Variants in ENPP3 observed in about 807,000 individuals in gnomAD.
ENPP3 encodes the protein ectonucleotide pyrophosphatase/phosphodiesterase 3, also known as ectonucleotide pyrophosphatase/phosphodiesterase family member 3.
ENPP3 carries 104 observed loss-of-function variants against 117.8 expected under a neutral mutation model. The ratio of observed to expected loss-of-function variants is 0.88; its 90% CI spans 0.75 to 1.04. The LOEUF (loss-of-function observed/expected upper bound fraction) is 1.04. Ranked by LOEUF, ENPP3 falls within the 50% of genes least tolerant of loss-of-function variation. ENPP3 has a pLI of 0.00. For missense variants in ENPP3, 1,026 were observed against 1,051.9 expected, an observed-to-expected ratio of 0.98 and a Z score of 0.34; for synonymous variants, 380 against 349.9, an observed-to-expected ratio of 1.09 and a Z score of -0.96.
At chr6:131,642,060 G>T (rs1252659919) in intron 2 of ENPP3, among the ~76,000 whole-genome samples, 2 of 151,844 alleles carry the variant, frequency 1.3e-5, no homozygotes, top group Non-Finnish European at 2.9e-5. Flanking sequence ...TTCCCAAAGT[G>T]CTGGGATTAC....
Position 131,678,999 on chromosome 6 carries a change from TTGCTTCCTTCCTTCCTTCCTTCCTTCC to T in ENPP3, c.1011+1061_1011+1087del, listed in dbSNP as rs1778948658. On this transcript the variant is annotated intron_variant, in intron 11 of 24. Transcript: ENST00000357639. ...CTTCCTTCCTTCCTTCCTTCCTTCC[TTGCTTCCTTCCTTCCTTCCTTCCTTCC>T]TTCTTTCTTTCTTTCTTTCTTTCTT... 7.0e-4 allele frequency among the ~76,000 whole-genome samples: 53 copies of T among 75,326 alleles called. 2 individuals carry two copies. Among genetic ancestry groups the T allele is most frequent in the African/African-American group, 3.7e-3 (50 of 13,470 alleles). The allele number at this position is 75,326 out of a possible 152,430, so 49.4% of individuals were successfully genotyped here.
chr6:131,677,984 A>G (rs1778908321), intron 11 of ENPP3, 44 bp downstream of exon 11: 1 of 1,204,068 alleles, frequency 8.3e-7, no homozygotes, highest in East Asian at 2.3e-5. Context: ...ATGTAAAATC[A>G]TCTAACCCTA....
Position 131,733,711 on chromosome 6 carries a change from C to G in ENPP3, c.2077C>G (p.Leu693Val), listed in dbSNP as rs1341388682. The change falls in exon 21 of 25, where the codon CTC (leucine) becomes GTC (valine). Residue 693 changes from leucine (L) to valine (V), a missense_variant. By Grantham distance (32) the Leu-to-Val change is conservative. Transcript: ENST00000357639. ...AGACAAGAATATCACCCACGGCTTC[C>G]TCTATCCTCCTGGTTAGTAGAACTC... is the stretch of plus-strand genomic sequence containing the variant. Reference protein sequence around the residue: ...LADKNITHGFLYPPASNRTSD... With the variant: ...LADKNITHGFVYPPASNRTSD... The G allele has an allele frequency of 1.2e-5, 20 of 1,614,076 alleles. No individual in the cohort carries two copies. Among genetic ancestry groups the G allele is most frequent in the Non-Finnish European group, 1.7e-5 (20 of 1,179,954 alleles).
chr6:131,673,718 C>A (rs66726310), intron 7 of ENPP3, among the ~76,000 whole-genome samples: 4,981 of 120,170 alleles, frequency 0.041, 111 homozygotes, highest in Non-Finnish European at 0.053. Context: ...GACAGACAGA[C>A]AGAAAGAAAG....
chr6:131,670,228 C>T (rs1181914485), intron 6 of ENPP3, among the ~76,000 whole-genome samples: 1 of 152,190 alleles, frequency 6.6e-6, no homozygotes, highest in East Asian at 1.9e-4. Context: ...TGGGCTTATG[C>T]AGTTACACAA....
chr6:131,733,344 T>G (rs916125719), intron 20 of ENPP3, among the ~76,000 whole-genome samples: 2 of 152,190 alleles, frequency 1.3e-5, no homozygotes, highest in Non-Finnish European at 2.9e-5. Flanking sequence ...CAATTCAGGT[T>G]TCACTGTGCA....
intron 7 of ENPP3, among the ~76,000 whole-genome samples, chr6:131,673,197 AAT>A (rs779229952): frequency 1.3e-5 from 2 of 151,856 alleles, no homozygotes; most frequent in Non-Finnish European, 2.9e-5. Flanking sequence ...AACTAGAAAA[AAT>A]ATATATATAT....
In ENPP3 at chr6:131,677,422, C is replaced by T. The variant is rs551690097; in HGVS notation, c.939-446C>T. 5.3e-5 allele frequency among the ~76,000 whole-genome samples: 8 copies of T among 152,208 alleles called. No homozygotes were observed. In the South Asian group the frequency reaches 1.2e-3, roughly 24 times the overall value. ...GACACTCAGTTATAAGGATAGACTC[C>T]AAGAGCACAAGGTGCTCCATCAAGC... On this transcript the variant is annotated intron_variant, in intron 10 of 24. Coordinates refer to ENST00000357639, the MANE Select transcript of ENPP3 (RefSeq NM_005021.5).
chr6:131,673,865 G>A (rs918269240), intron 7 of ENPP3, among the ~76,000 whole-genome samples: 1 of 152,060 alleles, frequency 6.6e-6, no homozygotes, highest in African/African-American at 2.4e-5. Context: ...GTAATCTAGA[G>A]ATGATTAAAA....
intron 15 of ENPP3, among the ~76,000 whole-genome samples, chr6:131,696,262 G>C (rs1779402743): frequency 6.6e-6 from 1 of 152,130 alleles, no homozygotes; most frequent in Admixed American, 6.5e-5. Context: ...TAAATTTCAG[G>C]CACCTTTTTA....
intron 18 of ENPP3, among the ~76,000 whole-genome samples, chr6:131,723,827 T>TCACACACACACACACACA (rs1554268188): frequency 6.9e-6 from 1 of 145,850 alleles, no homozygotes; most frequent in African/African-American, 2.6e-5. Context: ...TCTCTCTCTC[T>TCACACACACACACACACA]CACACACACA....
chr6:131,690,105 A>G (rs550226968), intron 14 of ENPP3, among the ~76,000 whole-genome samples: 7 of 152,362 alleles, frequency 4.6e-5, no homozygotes, highest in South Asian at 2.1e-4. Context: ...TGCCATAAAC[A>G]TTGTTGAAAA....
chr6:131,686,029 T>G (rs897760165), intron 14 of ENPP3, 122 bp downstream of exon 14: 1 of 474,438 alleles, frequency 2.1e-6, no homozygotes, highest in African/African-American at 2.0e-5. Context: ...TTTCTAAACC[T>G]TCCATCAACA....
Position 131,718,692 on chromosome 6 carries a change from G to A in ENPP3, c.1433G>A (p.Cys478Tyr), listed in dbSNP as rs1406704283. 3 of 1,600,266 alleles carry A rather than the reference G, an allele frequency of 1.9e-6. No individual in the cohort carries two copies. The highest frequency in any genetic ancestry group is 2.6e-6 in the Non-Finnish European group (3 of 1,169,278). ...TATAGGAGTAAATCAAATACAAATT[G>A]TGGAGGAGGCAACCATGGTTATAAC... The part of the protein sequence containing the change: ...LAVRSKSNTN[C>Y]GGGNHGYNNE... The change falls in exon 16 of 25, where the codon TGT becomes TAT. Residue 478 changes from cysteine to tyrosine, a missense_variant. Coordinates refer to ENST00000357639, the MANE Select transcript of ENPP3 (RefSeq NM_005021.5).
At chr6:131,685,276 A>AT in intron 12 of ENPP3, 88 bp from the exon 13 acceptor site, 1 of 1,162,740 alleles carries the variant, frequency 8.6e-7, no homozygotes, top group Non-Finnish European at 1.2e-6. Flanking sequence ...GATCTGTAAC[A>AT]TAAAATGTCT....
chr6:131,637,377 C>T lies in ENPP3; in HGVS notation c.-8C>T, dbSNP rs751186597. The T allele has an allele frequency of 3.8e-6, 6 of 1,583,278 alleles. No individual in the cohort carries two copies. In the African/African-American group the frequency reaches 8.2e-5, roughly 22 times the overall value. On this transcript the variant is annotated 5_prime_UTR_variant, in exon 1 of 25. Transcript: ENST00000357639. ...CTGATAAAACAGGTCTATGCAGCTA[C>T]CAGGACAATGGAATCTACGTTGACT...
intron 2 of ENPP3, among the ~76,000 whole-genome samples, chr6:131,644,056 A>G (rs1251820524): frequency 6.6e-6 from 1 of 152,064 alleles, no homozygotes; most frequent in Non-Finnish European, 1.5e-5. Flanking sequence ...CAGAAGGACT[A>G]TCAAGTGCAA....
chr6:131,740,500 C>T, intron 24 of ENPP3, 120 bp downstream of exon 24: 1 of 637,772 alleles, frequency 1.6e-6, no homozygotes, highest in South Asian at 3.4e-5. Flanking sequence ...AAAGTTATAA[C>T]ACAAATGACT....
At chr6:131,674,792 T>G (rs1778830323) in intron 8 of ENPP3, among the ~76,000 whole-genome samples, 1 of 151,984 alleles carries the variant, frequency 6.6e-6, no homozygotes, top group Non-Finnish European at 1.5e-5. Flanking sequence ...GGATGATCTC[T>G]ATCTCCTGAC....
Sources: allele counts gnomAD v4.1 joint callset (sites outside exome capture counted in the v4.1 genomes callset), GRCh38; gene constraint gnomAD v4.1.1; transcripts MANE v1.5; gene names NCBI Gene and HGNC (gene_info 2026-07-23, HGNC 2026-07-21).